Variants in ADGRL2 observed in about 807,000 individuals in gnomAD.
ADGRL2 encodes the protein adhesion G protein-coupled receptor L2.
In ADGRL2, 44 loss-of-function variants were observed where a neutral mutation model predicts 157.4. That is an observed-to-expected ratio of 0.28 (90% CI 0.22 to 0.36). The LOEUF is 0.36. Ranked by LOEUF, ADGRL2 falls within the 10% of genes least tolerant of loss-of-function variation. The probability of loss-of-function intolerance (pLI) is 1.00; values close to 1 mark genes in which losing one functional copy is unlikely to be tolerated. For missense variants in ADGRL2, 1,510 were observed against 1,768.9 expected, an observed-to-expected ratio of 0.85 and a Z score of 2.63; for synonymous variants, 585 against 624.7, an observed-to-expected ratio of 0.94 and a Z score of 0.95.
intron 2 of ADGRL2, among the ~76,000 whole-genome samples, chr1:81,449,984 C>T (rs1475635922): frequency 6.6e-6 from 1 of 152,150 alleles, no homozygotes; most frequent in Non-Finnish European, 1.5e-5. Context: ...GTCTCTGAGG[C>T]TTATCAAGCA....
chr1:81,802,612 T>TCCTTTCACTGGGGG (rs1479734712), intron 1 of ADGRL2, among the ~76,000 whole-genome samples: 18 of 152,164 alleles, frequency 1.2e-4, no homozygotes, highest in Non-Finnish European at 2.2e-4. Context: ...GTTCCGCCCG[T>TCCTTTCACTGGGGG]CCTTTCACTG....
intron 1 of ADGRL2, among the ~76,000 whole-genome samples, chr1:81,704,072 C>A (rs2083656987): frequency 6.6e-6 from 1 of 152,240 alleles, no homozygotes; most frequent in Admixed American, 6.5e-5. Flanking sequence ...CTACATGACA[C>A]AAGCCTGTAT....
At chr1:81,705,946 C>T (rs546090882) in intron 1 of ADGRL2, among the ~76,000 whole-genome samples, 11 of 152,044 alleles carry the variant, frequency 7.2e-5, no homozygotes, top group Non-Finnish European at 1.0e-4. Context: ...CGCGGTGGCT[C>T]ATGCCTGTAA....
intron 1 of ADGRL2, among the ~76,000 whole-genome samples, chr1:81,807,915 G>T (rs958665573): frequency 6.6e-6 from 1 of 151,038 alleles, no homozygotes; most frequent in African/African-American, 2.4e-5. Context: ...GATATTTTTT[G>T]ATATATTCTT....
intron 3 of ADGRL2, among the ~76,000 whole-genome samples, chr1:81,641,394 A>G (rs2082216079): frequency 6.6e-6 from 1 of 152,206 alleles, no homozygotes; most frequent in African/African-American, 2.4e-5. Flanking sequence ...TCACATTGGA[A>G]TATTCACCAA....
At chr1:81,586,086 G>C (rs888861106) in intron 3 of ADGRL2, 2 of 151,818 alleles carry the variant, frequency 1.3e-5, no homozygotes, top group African/African-American at 2.4e-5. Flanking sequence ...AAATAAACAT[G>C]TATTCTATTA....
rs1657066066 is a variant in ADGRL2 at position 81,966,436 on chromosome 1, A to G, written c.2176A>G (p.Ser726Gly). The G allele has an allele frequency of 1.2e-6, 2 of 1,613,944 alleles. No homozygotes were observed. Among genetic ancestry groups the G allele is most frequent in the African/African-American group, 1.3e-5 (1 of 74,894 alleles). Residue 726 changes from serine to glycine, a missense_variant, in exon 13 of 24, where the codon AGC becomes GGC. By Grantham distance (56) the Ser-to-Gly change is moderately conservative. This residue lies in a region of ADGRL2 where 497 missense variants were observed against 627.2 expected (regional missense o/e 0.79). Coordinates refer to ENST00000686636, the MANE Select transcript of ADGRL2 (RefSeq NM_001366006.2). The stretch of plus-strand genomic sequence containing the variant: ...AAAGTTGGTGTTCATCATTTACCGG[A>G]GCCTGGGACAGTTCCTTAGTACAGA... ...LAKLVFIIYR[S>G]LGQFLSTENA...
At chr1:81,341,504 G>C (rs369302550) in intron 1 of ADGRL2, among the ~76,000 whole-genome samples, 1 of 151,624 alleles carries the variant, frequency 6.6e-6, no homozygotes, top group Admixed American at 6.6e-5. Context: ...TTATTGCCTG[G>C]TACTTAAGCA....
At chr1:81,392,793 T>C (rs925172160) in intron 1 of ADGRL2, among the ~76,000 whole-genome samples, 1 of 152,124 alleles carries the variant, frequency 6.6e-6, no homozygotes, top group Non-Finnish European at 1.5e-5. Flanking sequence ...AAACTATATA[T>C]GTTTTATAAA....
At chr1:81,862,689 G>A (rs2093424655) in intron 2 of ADGRL2, among the ~76,000 whole-genome samples, 1 of 152,090 alleles carries the variant, frequency 6.6e-6, no homozygotes, top group African/African-American at 2.4e-5. Context: ...AGGGAAAGAA[G>A]AATAATATTT....
intron 6 of ADGRL2, among the ~76,000 whole-genome samples, chr1:81,945,700 A>G (rs937954279): frequency 6.6e-6 from 1 of 152,140 alleles, no homozygotes; most frequent in Non-Finnish European, 1.5e-5. Context: ...AAGCTTCGGC[A>G]GATGTAGCAA....
chr1:81,875,456 A>G (rs1386994710), intron 2 of ADGRL2, among the ~76,000 whole-genome samples: 1 of 152,160 alleles, frequency 6.6e-6, no homozygotes, highest in African/African-American at 2.4e-5. Flanking sequence ...TGAGTGACAG[A>G]AACATTATGA....
intron 2 of ADGRL2, among the ~76,000 whole-genome samples, chr1:81,885,638 T>A (rs1026665150): frequency 1.3e-5 from 2 of 152,186 alleles, no homozygotes; most frequent in Admixed American, 6.5e-5. Flanking sequence ...TTTCTCAGTC[T>A]CTAACCAGAA....
intron 1 of ADGRL2, among the ~76,000 whole-genome samples, chr1:81,429,324 G>GT (rs2101606182): frequency 6.6e-6 from 1 of 152,116 alleles, no homozygotes; most frequent in South Asian, 2.1e-4. Flanking sequence ...TCTAAGAGCA[G>GT]GTGAACATTC....
intron 10 of ADGRL2, among the ~76,000 whole-genome samples, chr1:81,954,628 C>A (rs1652886507): frequency 6.6e-6 from 1 of 152,150 alleles, no homozygotes; most frequent in Non-Finnish European, 1.5e-5. Context: ...TAGTTAATGG[C>A]TGCCGCAGTA....
chr1:81,365,422 A>G (rs1324289798), intron 1 of ADGRL2, among the ~76,000 whole-genome samples: 1 of 152,192 alleles, frequency 6.6e-6, no homozygotes, highest in Non-Finnish European at 1.5e-5. Flanking sequence ...TATAATACAC[A>G]TCCCACATTG....
At chr1:81,449,624 CA>C (rs1326990956) in intron 2 of ADGRL2, among the ~76,000 whole-genome samples, 10 of 152,052 alleles carry the variant, frequency 6.6e-5, no homozygotes, top group Non-Finnish European at 7.4e-5. Flanking sequence ...ATTATTGAGA[CA>C]GGGTCTCACT....
intron 2 of ADGRL2, among the ~76,000 whole-genome samples, chr1:81,454,450 A>G (rs572321486): frequency 7.2e-5 from 11 of 152,304 alleles, no homozygotes; most frequent in African/African-American, 2.6e-4. Context: ...TATATCTTTA[A>G]TAACCACTCC....
chr1:81,585,882 T>A (rs1030453381), intron 3 of ADGRL2: 15 of 151,714 alleles, frequency 9.9e-5, no homozygotes, highest in African/African-American at 3.6e-4. Flanking sequence ...CACACACACA[T>A]TCACATACAC....
Sources: gnomAD v4.1 joint callset for allele counts (sites outside exome capture counted in the v4.1 genomes callset) on GRCh38, gnomAD v4.1.1 for gene constraint, gnomAD v4.1.1 regional missense constraint, MANE v1.5 for transcripts, NCBI Gene and HGNC (gene_info 2026-07-23, HGNC 2026-07-21) for gene names.